The following CUL2 variants were observed in gnomAD, a reference collection of about 807,000 sequenced individuals.
CUL2 encodes the protein cullin 2, also known as cullin-2.
In CUL2, 22 loss-of-function variants were observed where a neutral mutation model predicts 110.2. The ratio of observed to expected loss-of-function variants is 0.20; its 90% confidence interval spans 0.14 to 0.28. CUL2 has a LOEUF of 0.28. Ranked by LOEUF, CUL2 falls within the 10% of genes least tolerant of loss-of-function variation. The probability of loss-of-function intolerance (pLI) is 1.00; values close to 1 mark genes in which losing one functional copy is unlikely to be tolerated. For missense variants in CUL2, 631 were observed against 905.5 expected (o/e 0.70, Z 3.89); for synonymous variants, 279 against 293.2 (o/e 0.95, Z 0.49).
intron 11 of CUL2, 40 bp downstream of exon 11, chr10:35,033,126 T>G: frequency 1.6e-6 from 2 of 1,261,688 alleles, no homozygotes; most frequent in South Asian, 2.9e-5. Context: ...AATGATAGAG[T>G]TTTATGTACA....
At chr10:35,041,320 T>C (rs915046788) in intron 8 of CUL2, among the ~76,000 whole-genome samples, 1 of 151,944 alleles carries the variant, frequency 6.6e-6, no homozygotes, top group Non-Finnish European at 1.5e-5. Flanking sequence ...GAGGCGCATA[T>C]CAAGAGAAAT....
intron 14 of CUL2, among the ~76,000 whole-genome samples, chr10:35,030,511 TAACTG>T (rs1435974805): frequency 1.3e-5 from 2 of 151,970 alleles, no homozygotes; most frequent in Non-Finnish European, 2.9e-5. Context: ...GCCACCTGAG[TAACTG>T]GGACTAGAGG....
intron 4 of CUL2, among the ~76,000 whole-genome samples, chr10:35,057,475 AC>A (rs1358764714): frequency 6.6e-6 from 1 of 151,542 alleles, no homozygotes; most frequent in Non-Finnish European, 1.5e-5. Context: ...ACATGGTGAA[AC>A]CCCGTCTCTA....
chr10:35,056,751 A>G (rs2086249833), intron 4 of CUL2, among the ~76,000 whole-genome samples: 1 of 152,234 alleles, frequency 6.6e-6, no homozygotes, highest in Non-Finnish European at 1.5e-5. Context: ...ATTACCATTT[A>G]CATATGCCTT....
intron 1 of CUL2, among the ~76,000 whole-genome samples, chr10:35,071,944 A>G (rs1357896532): frequency 6.6e-6 from 1 of 152,176 alleles, no homozygotes; most frequent in Non-Finnish European, 1.5e-5. Context: ...TAATATTGCG[A>G]GGGAAAGAAA....
At chr10:35,062,670 CA>C (rs77853239) in intron 3 of CUL2, among the ~76,000 whole-genome samples, 2,606 of 123,136 alleles carry the variant, frequency 0.021, 44 homozygotes, top group African/African-American at 0.059. Context: ...CCATCTCTAC[CA>C]AAAAAAAAAA....
At chr10:35,033,757 A>AAC (rs1491362157) in intron 10 of CUL2, among the ~76,000 whole-genome samples, 136 of 40,106 alleles carry the variant, frequency 3.4e-3, no homozygotes, top group African/African-American at 0.012. Context: ...CAACAACAAC[A>AAC]AAAAAAAAAA....
intron 2 of CUL2, among the ~76,000 whole-genome samples, chr10:35,068,675 A>G (rs547835419): frequency 6.6e-6 from 1 of 152,330 alleles, no homozygotes; most frequent in African/African-American, 2.4e-5. Flanking sequence ...AATGCATGCT[A>G]AAAGTTCAAA....
intron 9 of CUL2, among the ~76,000 whole-genome samples, chr10:35,037,957 C>G (rs990876109): frequency 6.6e-6 from 1 of 151,554 alleles, no homozygotes; most frequent in African/African-American, 2.4e-5. Context: ...AGCTCAAGAC[C>G]AGGAGGCCAA....
In CUL2 at chr10:35,008,829, GTT is replaced by G. The variant is rs2084823348; in HGVS notation, c.*1480_*1481del. 6.6e-6 allele frequency: 1 copy of G among 152,132 alleles called. No individual in the cohort carries two copies. Among genetic ancestry groups the G allele is most frequent in the African/African-American group, 2.4e-5 (1 of 41,426 alleles). The allele number at this position is 152,132 out of a possible 1,614,324, so 9.4% of individuals were successfully genotyped here. A position where few individuals can be genotyped will look rare whatever the true frequency, so the allele number is the denominator to read the frequency against. On this transcript the variant is annotated 3_prime_UTR_variant, in exon 21 of 21. Coordinates refer to ENST00000374749, the MANE Select transcript of CUL2 (RefSeq NM_003591.4). ...TATTAGATGATACTAAGTAATTATTGTTTTTGTTAGGAGTAATAATATCACTG... is the reference window on the plus strand; with the variant it reads ...TATTAGATGATACTAAGTAATTATTGTTTGTTAGGAGTAATAATATCACTG...
chr10:35,051,301 C>A (rs1468014376), intron 5 of CUL2, among the ~76,000 whole-genome samples: 1 of 141,662 alleles, frequency 7.1e-6, no homozygotes, highest in Non-Finnish European at 1.5e-5. Context: ...GGTGACAGAG[C>A]GAGACTCCGT....
intron 2 of CUL2, among the ~76,000 whole-genome samples, chr10:35,069,998 T>C (rs1446098863): frequency 1.3e-5 from 2 of 152,222 alleles, no homozygotes; most frequent in African/African-American, 4.8e-5. Flanking sequence ...CCTCTAGATA[T>C]ACTGGAAAGC....
chr10:35,021,942 T>C (rs1271289858), intron 17 of CUL2, among the ~76,000 whole-genome samples: 1 of 148,814 alleles, frequency 6.7e-6, no homozygotes, highest in African/African-American at 2.5e-5. Context: ...CCGGCCCTAT[T>C]AGCTCTTGAA....
chr10:35,036,402 T>C (rs990646804), intron 9 of CUL2, among the ~76,000 whole-genome samples: 6 of 152,238 alleles, frequency 3.9e-5, no homozygotes, highest in Admixed American at 1.3e-4. Flanking sequence ...TGAACATTCC[T>C]GTATGTCTTT....
intron 2 of CUL2, among the ~76,000 whole-genome samples, chr10:35,069,431 C>A (rs1189761155): frequency 6.6e-6 from 1 of 151,934 alleles, no homozygotes; most frequent in South Asian, 2.1e-4. Context: ...GTCCCAGCTA[C>A]TCAGGAGGCT....
chr10:35,038,804 T>C (rs757038133), intron 9 of CUL2, 116 bp downstream of exon 9: 7 of 601,746 alleles, frequency 1.2e-5, no homozygotes, highest in African/African-American at 3.8e-5. Context: ...TGTAAAAGGT[T>C]ATTTAAAATA....
At chr10:35,077,293 C>CA (rs757497334) in intron 1 of CUL2, among the ~76,000 whole-genome samples, 2,186 of 118,486 alleles carry the variant, frequency 0.018, 22 homozygotes, top group East Asian at 0.053. Flanking sequence ...GACTCCGTCT[C>CA]AAAAAAAAAA....
At chr10:35,029,744 T>C (rs2085435273) in intron 14 of CUL2, 104 bp from the exon 15 acceptor site, 5 of 801,246 alleles carry the variant, frequency 6.2e-6, no homozygotes, top group Admixed American at 3.3e-5. Flanking sequence ...TCAAAGGTTC[T>C]TGCATATACA....
rs766829499 is a variant in CUL2, at chr10:35,054,418, T to G, written c.423+16A>C. 2 of 1,383,816 alleles carry G rather than the reference T, an allele frequency of 1.4e-6. No individual in the cohort carries two copies. The highest frequency in any genetic ancestry group is 2.6e-5 in the South Asian group (2 of 77,626). The allele number at this position is 1,383,816 out of a possible 1,614,324, so 85.7% of individuals were successfully genotyped here. ...AAACATACTTATGTTTGCTAGTCAC[T>G]TAAAGAATGTCCTACCTCTCCTATT... On this transcript the variant is annotated intron_variant, in intron 5 of 20. Transcript: ENST00000374749.
Sources: gnomAD v4.1 joint callset for allele counts (sites outside exome capture counted in the v4.1 genomes callset) on GRCh38, gnomAD v4.1.1 for gene constraint, MANE v1.5 for transcripts, NCBI Gene and HGNC (gene_info 2026-07-23, HGNC 2026-07-21) for gene names.